Variants in OPHN1 observed in about 807,000 individuals in gnomAD.
OPHN1 encodes the protein oligophrenin 1, also known as oligophrenin-1.
Under a neutral mutation model 60.7 loss-of-function variants are expected in OPHN1, and 11 were observed. The observed-to-expected ratio is 0.18, with a 90% CI of 0.11 to 0.30. The LOEUF is 0.30. Ranked by LOEUF, OPHN1 falls within the 10% of genes least tolerant of loss-of-function variation. OPHN1 has a pLI of 1.00. For synonymous variants in OPHN1, 226 were observed against 222.6 expected (o/e 1.02, Z -0.14); for missense variants, 449 against 611.0 (o/e 0.73, Z 2.80).
At chrX:68,078,829 T>C (rs932621567) in intron 19 of OPHN1, among the ~76,000 whole-genome samples, 1 of 109,234 alleles carries the variant, frequency 9.2e-6, no homozygotes, top group Admixed American at 9.9e-5. Context: ...CTATTAATAG[T>C]ACAAAAATTA....
intron 19 of OPHN1, among the ~76,000 whole-genome samples, chrX:68,095,867 C>T (rs2077036533): frequency 8.9e-6 from 1 of 111,888 alleles, no homozygotes; most frequent in Admixed American, 9.5e-5. Context: ...TTCTGGGCAT[C>T]ATTTTCTGAC....
intron 15 of OPHN1, among the ~76,000 whole-genome samples, chrX:68,189,430 T>C (rs1056618834): frequency 9.0e-6 from 1 of 111,217 alleles, no homozygotes. Flanking sequence ...TATGTATACA[T>C]GTGCCATCTT....
At chrX:68,059,272 G>A (rs1006267061) in intron 21 of OPHN1, among the ~76,000 whole-genome samples, 2 of 111,784 alleles carry the variant, frequency 1.8e-5, no homozygotes, top group African/African-American at 6.5e-5. Flanking sequence ...CTTAACATTT[G>A]CAGAGTTCTT....
In OPHN1 at chrX:68,340,173, C is replaced by A. The variant is rs190902439; in HGVS notation, c.155-41077G>T. 9.8e-5 allele frequency among the ~76,000 whole-genome samples: 11 copies of A among 112,042 alleles called. No individual in the cohort carries two copies. The East Asian group carries it at 3.1e-3, about 31-fold the overall frequency. On this transcript the variant is annotated intron_variant, in intron 2 of 24. Coordinates refer to ENST00000355520, the MANE Select transcript of OPHN1 (RefSeq NM_002547.3). ...CTACGGATTTAACTGCAATGTCTAA[C>A]AAAATCCCAGCTGTCTTTCTGGCAG... is the stretch of plus-strand genomic sequence containing the variant.
rs183901823 is a variant in OPHN1 at position 68,092,864 on chromosome X, C to T, written c.1686+4006G>A. Among the ~76,000 whole-genome samples, 5 of 110,991 alleles carry T rather than the reference C, an allele frequency of 4.5e-5. No individual in the cohort carries two copies. The East Asian group carries it at 1.1e-3, about 25-fold the overall frequency. On this transcript the variant is annotated intron_variant, in intron 19 of 24. Coordinates refer to ENST00000355520, the MANE Select transcript of OPHN1 (RefSeq NM_002547.3). ...ACAAAAGAAAAATTATTTTGTTATA[C>T]TAATGATGAGATGCTGTGTCACTCC...
intron 2 of OPHN1, among the ~76,000 whole-genome samples, chrX:68,408,960 C>T (rs2078757140): frequency 9.0e-6 from 1 of 111,686 alleles, no homozygotes; most frequent in Non-Finnish European, 1.9e-5. Context: ...GACTCCGTCT[C>T]AAAAAAAGAT....
intron 18 of OPHN1, among the ~76,000 whole-genome samples, chrX:68,100,419 ATCTTT>A (rs1300820696): frequency 8.9e-6 from 1 of 111,830 alleles, no homozygotes; most frequent in African/African-American, 3.3e-5. Flanking sequence ...AACAGTTCTA[ATCTTT>A]TCAAGACAAA....
At chrX:68,183,504 C>T (rs777683199) in intron 15 of OPHN1, among the ~76,000 whole-genome samples, 72 of 111,961 alleles carry the variant, frequency 6.4e-4, no homozygotes, top group Non-Finnish European at 1.2e-3. Flanking sequence ...AGGTTAACCA[C>T]TAAAGACAAC....
At chrX:68,265,545 G>T (rs949452216) in intron 5 of OPHN1, among the ~76,000 whole-genome samples, 19 of 111,293 alleles carry the variant, frequency 1.7e-4, no homozygotes, top group African/African-American at 6.2e-4. Context: ...AATCATCAAA[G>T]ACCAAAGGTA....
At chrX:68,189,512 A>G (rs943401091) in intron 15 of OPHN1, among the ~76,000 whole-genome samples, 4 of 69,850 alleles carry the variant, frequency 5.7e-5, no homozygotes, top group African/African-American at 2.2e-4. Flanking sequence ...CACCTCCCCC[A>G]ACCCCACAAC....
rs774791734 is a variant in OPHN1, at chrX:68,353,425, A to AG, written c.155-54330_155-54329insC. 4.8e-5 allele frequency among the ~76,000 whole-genome samples: 5 copies of AG among 103,966 alleles called. No homozygotes were observed. In the South Asian group the frequency reaches 2.3e-3, roughly 47 times the overall value. 90.3% of individuals were successfully genotyped at this position (103,966 alleles called of 115,157 possible). A position where few individuals can be genotyped will look rare whatever the true frequency, so the allele number is the denominator to read the frequency against. ...CTCTACAGGAAAAAAAAAAAAAAAA[A>AG]AAAAAAGCCATGGTGGCGGGTGCCT... is the stretch of plus-strand genomic sequence containing the variant. On this transcript the variant is annotated intron_variant, in intron 2 of 24. Transcript: ENST00000355520.
intron 19 of OPHN1, among the ~76,000 whole-genome samples, chrX:68,075,095 T>C (rs1199682399): frequency 8.9e-6 from 1 of 112,196 alleles, no homozygotes; most frequent in East Asian, 2.8e-4. Context: ...GCATTGGAAA[T>C]CCAGCAGTGA....
Position 68,043,630 on chromosome X carries a change from T to G in OPHN1, c.*3542A>C, listed in dbSNP as rs552043892. ...TTGAAAAGAGAATACTTTCCCATGA[T>G]AACCAATTACTTTAGAAATACTCTG... On this transcript the variant is annotated 3_prime_UTR_variant, in exon 25 of 25. Coordinates refer to ENST00000355520, the MANE Select transcript of OPHN1 (RefSeq NM_002547.3). 1 of 112,123 alleles carries G rather than the reference T, an allele frequency of 8.9e-6. No homozygotes were observed. Among genetic ancestry groups the G allele is most frequent in the South Asian group, 3.7e-4 (1 of 2,683 alleles). 9.2% of individuals were successfully genotyped at this position (112,123 alleles called of 1,213,427 possible).
At chrX:68,201,494 C>T (rs781653085) in intron 11 of OPHN1, 125 bp downstream of exon 11, 4 of 579,918 alleles carry the variant, frequency 6.9e-6, no homozygotes, top group Admixed American at 2.5e-5. Context: ...AATAGACTCA[C>T]AACAAAGTCC....
intron 2 of OPHN1, among the ~76,000 whole-genome samples, chrX:68,317,637 AAGAAAAAG>A (rs1171732247): frequency 1.1e-5 from 1 of 87,923 alleles, no homozygotes; most frequent in African/African-American, 5.1e-5. Flanking sequence ...GAGAAAAGAA[AAGAAAAAG>A]AAGAAGAAGA....
At chrX:68,265,458 G>A (rs1243682691) in intron 5 of OPHN1, among the ~76,000 whole-genome samples, 1 of 112,260 alleles carries the variant, frequency 8.9e-6, no homozygotes, top group African/African-American at 3.2e-5. Context: ...CAGACCTGAA[G>A]CTGAGGGTCC....
chrX:68,132,199 G>T (rs979251689), intron 15 of OPHN1, among the ~76,000 whole-genome samples: 3 of 109,716 alleles, frequency 2.7e-5, no homozygotes, highest in Non-Finnish European at 3.8e-5. Flanking sequence ...CCATTACTGG[G>T]TATATACCCA....
chrX:68,201,886 T>A (rs902796650), intron 10 of OPHN1, among the ~76,000 whole-genome samples, 176 bp from the exon 11 acceptor site: 1 of 111,912 alleles, frequency 8.9e-6, no homozygotes, highest in Non-Finnish European at 1.9e-5. Context: ...AGATGGCAGA[T>A]GGTTTCTCCC....
chrX:68,114,317 G>A (rs2077118332), intron 16 of OPHN1, among the ~76,000 whole-genome samples: 1 of 111,462 alleles, frequency 9.0e-6, no homozygotes, highest in African/African-American at 3.3e-5. Context: ...AGGAAACTGA[G>A]GCCTAGAGAA....
Sources: gnomAD v4.1 joint callset for allele counts (sites outside exome capture counted in the v4.1 genomes callset) on GRCh38, gnomAD v4.1.1 for gene constraint, MANE v1.5 for transcripts, NCBI Gene and HGNC (gene_info 2026-07-23, HGNC 2026-07-21) for gene names.